CNTNAP4: variants seen among roughly 807,000 people sequenced by gnomAD.
The protein encoded by CNTNAP4 is contactin-associated protein-like 4.
A neutral mutation model predicts 148.4 loss-of-function variants in CNTNAP4; 98 were observed. The observed-to-expected ratio is 0.66, with a 90% confidence interval of 0.56 to 0.78. The LOEUF is 0.78. Ranked by LOEUF, CNTNAP4 falls within the 30% of genes least tolerant of loss-of-function variation. The pLI is 0.00. For missense variants in CNTNAP4, 1,935 were observed against 1,565.6 expected, an observed-to-expected ratio of 1.24 and a Z score of -3.98; for synonymous variants, 730 against 565.1, an observed-to-expected ratio of 1.29 and a Z score of -4.14.
chr16:76,340,415 A>G (rs1346199165), intron 2 of CNTNAP4, among the ~76,000 whole-genome samples: 1 of 152,042 alleles, frequency 6.6e-6, no homozygotes, highest in Non-Finnish European at 1.5e-5. Context: ...CTGTTGCTTC[A>G]ATTTACATTT....
In CNTNAP4 at chr16:76,277,422, G is replaced by A; in HGVS notation, c.-241G>A. The A allele has an allele frequency of 2.1e-6, 1 of 481,866 alleles. No homozygotes were observed. The highest frequency in any genetic ancestry group is 3.7e-6 in the Non-Finnish European group (1 of 270,454). The allele number at this position is 481,866 out of a possible 1,614,324, so 29.8% of individuals were successfully genotyped here. On this transcript the variant is annotated 5_prime_UTR_variant, in exon 1 of 24. Coordinates refer to ENST00000611870, the MANE Select transcript of CNTNAP4 (RefSeq NM_033401.5). ...GAGTGCTTTTCAGTGAGGAGTCAGG[G>A]AGGTGTGTGTGAGAGAGAGAGAGAA...
chr16:76,502,237 A>G (rs984573261), intron 15 of CNTNAP4, among the ~76,000 whole-genome samples: 6 of 151,710 alleles, frequency 4.0e-5, no homozygotes, highest in Admixed American at 1.3e-4. Flanking sequence ...ATGAAGGACT[A>G]AGGACTAAGG....
chr16:76,307,041 T>C (rs1013967363), intron 1 of CNTNAP4, among the ~76,000 whole-genome samples: 3 of 152,100 alleles, frequency 2.0e-5, no homozygotes, highest in Admixed American at 1.3e-4. Flanking sequence ...TTGATTACAA[T>C]AGATGGTTAA....
rs569500225 is a variant in CNTNAP4 at position 76,449,437 on chromosome 16, A to G, written c.928-278A>G. Reference sequence around the variant, plus strand: ...AATATTATAATTGGTTATAGTATTAAACAGATCAAGTTTTACCATGTTATA... The same window carrying G: ...AATATTATAATTGGTTATAGTATTAGACAGATCAAGTTTTACCATGTTATA... On this transcript the variant is annotated intron_variant, in intron 6 of 23. Transcript: ENST00000611870. 1.6e-3 allele frequency among the ~76,000 whole-genome samples: 237 copies of G among 152,322 alleles called. 1 individual carries two copies. The highest frequency in any genetic ancestry group is 2.5e-3 in the Non-Finnish European group (173 of 68,022).
chr16:76,354,618 G>A (rs541943080), intron 2 of CNTNAP4, among the ~76,000 whole-genome samples: 1 of 152,288 alleles, frequency 6.6e-6, no homozygotes, highest in South Asian at 2.1e-4. Context: ...CAATTGCAAA[G>A]ATGGTTATGT....
At chr16:76,507,383 G>C (rs56824172) in intron 15 of CNTNAP4, among the ~76,000 whole-genome samples, 17,611 of 96,308 alleles carry the variant, frequency 0.18, 5,201 homozygotes, top group African/African-American at 0.42. Context: ...CATTCTCTTT[G>C]CCAGCCTCTG....
chr16:76,530,337 C>G (rs1216424382), intron 17 of CNTNAP4, among the ~76,000 whole-genome samples: 1 of 152,056 alleles, frequency 6.6e-6, no homozygotes, highest in East Asian at 1.9e-4. Flanking sequence ...AATTGTTTAT[C>G]TTAATTACGC....
At chr16:76,334,763 T>C (rs1963874386) in intron 2 of CNTNAP4, among the ~76,000 whole-genome samples, 1 of 152,104 alleles carries the variant, frequency 6.6e-6, no homozygotes, top group Admixed American at 6.5e-5. Context: ...GCTTTGGACG[T>C]GCAGGAAACA....
intron 21 of CNTNAP4, among the ~76,000 whole-genome samples, chr16:76,546,975 C>T (rs2144350324): frequency 6.6e-6 from 1 of 152,244 alleles, no homozygotes; most frequent in African/African-American, 2.4e-5. Flanking sequence ...ATAGTTCATC[C>T]TCATTTGTAG....
intron 1 of CNTNAP4, chr16:76,309,993 G>T (rs980682540): frequency 1.5e-6 from 1 of 651,014 alleles, no homozygotes; most frequent in African/African-American, 1.8e-5. Flanking sequence ...GGGGCCAGTT[G>T]CTACAGGAGT....
intron 21 of CNTNAP4, among the ~76,000 whole-genome samples, chr16:76,552,567 A>G (rs1211708250): frequency 6.6e-6 from 1 of 152,216 alleles, no homozygotes; most frequent in Non-Finnish European, 1.5e-5. Context: ...ATTCTTATTA[A>G]TAGGAGGAAG....
In CNTNAP4 at chr16:76,489,895, A is replaced by C. The variant is rs7201030; in HGVS notation, c.2080+12A>C. ...GGTCAATAAGCAAGGTAAGTAAACC[A>C]TGGTGTCTGTCTTGTTGCACACATC... On this transcript the variant is annotated intron_variant, in intron 13 of 23. Coordinates refer to ENST00000611870, the MANE Select transcript of CNTNAP4 (RefSeq NM_033401.5). 2.0e-6 allele frequency: 3 copies of C among 1,506,460 alleles called. No homozygotes were observed. In the Middle Eastern group the frequency reaches 6.1e-4, roughly 307 times the overall value. The allele number at this position is 1,506,460 out of a possible 1,614,324, so 93.3% of individuals were successfully genotyped here. A position where few individuals can be genotyped will look rare whatever the true frequency, so the allele number is the denominator to read the frequency against.
chr16:76,478,577 C>A, intron 11 of CNTNAP4, among the ~76,000 whole-genome samples: 1 of 152,158 alleles, frequency 6.6e-6, no homozygotes. Flanking sequence ...GATTATTTCT[C>A]ATTTCACAGA....
At chr16:76,394,889 A>G (rs1054917453) in intron 3 of CNTNAP4, among the ~76,000 whole-genome samples, 1 of 152,120 alleles carries the variant, frequency 6.6e-6, no homozygotes, top group Non-Finnish European at 1.5e-5. Flanking sequence ...CCCCCAGTCT[A>G]AACTAACAGG....
chr16:76,432,649 TG>T (rs2079651432), intron 4 of CNTNAP4: 1 of 152,162 alleles, frequency 6.6e-6, no homozygotes, highest in African/African-American at 2.4e-5. Context: ...TGGGTGAAAG[TG>T]AATATATCTG....
chr16:76,466,589 C>A (rs1321428620), intron 9 of CNTNAP4, among the ~76,000 whole-genome samples: 1 of 151,890 alleles, frequency 6.6e-6, no homozygotes, highest in Non-Finnish European at 1.5e-5. Context: ...ACTCGATAAA[C>A]TTATTTATTC....
chr16:76,361,815 C>G (rs1053316437), intron 3 of CNTNAP4, among the ~76,000 whole-genome samples: 1 of 152,150 alleles, frequency 6.6e-6, no homozygotes, highest in Non-Finnish European at 1.5e-5. Context: ...TCTCCAATTT[C>G]TTGTCACTGC....
chr16:76,450,062 A>G (rs1004686040), intron 7 of CNTNAP4, among the ~76,000 whole-genome samples: 2 of 152,080 alleles, frequency 1.3e-5, no homozygotes, highest in African/African-American at 4.8e-5. Context: ...TTTTATTTTT[A>G]TATGAAGTAA....
intron 1 of CNTNAP4, among the ~76,000 whole-genome samples, chr16:76,279,866 T>G (rs1159399765): frequency 6.6e-6 from 1 of 152,214 alleles, no homozygotes; most frequent in African/African-American, 2.4e-5. Context: ...AGTATTTTCT[T>G]TTTGGAAGAA....
Sources: gnomAD v4.1 joint callset for allele counts (sites outside exome capture counted in the v4.1 genomes callset) on GRCh38, gnomAD v4.1.1 for gene constraint, MANE v1.5 for transcripts, NCBI Gene and HGNC (gene_info 2026-07-23, HGNC 2026-07-21) for gene names.